The following DNAH10 variants were observed in gnomAD, a reference collection of about 807,000 sequenced individuals.
The protein encoded by DNAH10 is dynein axonemal heavy chain 10.
DNAH10 carries 348 observed loss-of-function variants against 506.6 expected under a neutral mutation model. That is an observed-to-expected ratio of 0.69 (90% CI 0.63 to 0.75). The LOEUF (loss-of-function observed/expected upper bound fraction) is 0.75. Among genes scored for constraint, DNAH10 ranks in the 30% least tolerant of loss-of-function variants. The pLI is 0.00. For missense variants in DNAH10, 5,179 were observed against 5,787.1 expected (o/e 0.89, Z 3.41); for synonymous variants, 2,059 against 2,198.6 (o/e 0.94, Z 1.78).
chr12:123,794,067 A>C lies in DNAH10; in HGVS notation c.1941A>C (p.Gln647His), dbSNP rs1958185935. Residue 647 changes from glutamine (Q) to histidine (H), a missense_variant, in exon 12 of 79, where the codon CAA (glutamine) becomes CAC (histidine). Transcript: ENST00000673944. Reference protein sequence around the residue: ...HIRSREAVNRQMMMKFNDILA... With the variant: ...HIRSREAVNRHMMMKFNDILA... ...GTTCACGGGAGGCTGTTAATCGACA[A>C]ATGATGATGAAATTTAATGATATTC... 2 of 1,283,046 alleles carry C rather than the reference A, an allele frequency of 1.6e-6. No individual in the cohort carries two copies. Among genetic ancestry groups the C allele is most frequent in the Non-Finnish European group, 1.0e-6 (1 of 985,330 alleles). The allele number at this position is 1,283,046 out of a possible 1,614,324, so 79.5% of individuals were successfully genotyped here. A position where few individuals can be genotyped will look rare whatever the true frequency, so the allele number is the denominator to read the frequency against.
chr12:123,891,583 G>A (rs560664733), intron 52 of DNAH10, among the ~76,000 whole-genome samples: 3 of 152,142 alleles, frequency 2.0e-5, no homozygotes, highest in South Asian at 2.1e-4. Context: ...CGGAGCACGG[G>A]GAGCGAGAGA....
chr12:123,881,841 G>A (rs1393742935), intron 51 of DNAH10, 28 bp downstream of exon 51: 5 of 1,444,600 alleles, frequency 3.5e-6, no homozygotes, highest in Non-Finnish European at 4.6e-6. Flanking sequence ...CCCAGAAATA[G>A]GTTTACGATG....
intron 52 of DNAH10, among the ~76,000 whole-genome samples, chr12:123,890,096 C>T (rs1594298345): frequency 1.3e-5 from 2 of 152,150 alleles, no homozygotes; most frequent in African/African-American, 2.4e-5. Flanking sequence ...ACCCATTGGC[C>T]GGTTCCTGGG....
At chr12:123,797,263 T>C (rs953829359) in intron 13 of DNAH10, among the ~76,000 whole-genome samples, 1 of 152,240 alleles carries the variant, frequency 6.6e-6, no homozygotes, top group Admixed American at 6.5e-5. Flanking sequence ...TGCAGCACGC[T>C]ATGTAGAGTG....
In DNAH10 at chr12:123,868,120, G is replaced by T; in HGVS notation, c.7519+1G>T. Reference sequence around the variant, plus strand: ...TGGGCCAACCCTGGGGAACTGCCAGGTGGGAACCGAGTGTCGCCTGTTTCC... The same window carrying T: ...TGGGCCAACCCTGGGGAACTGCCAGTTGGGAACCGAGTGTCGCCTGTTTCC... On this transcript the variant is annotated splice_donor_variant, in intron 43 of 78. Coordinates refer to ENST00000673944, the MANE Select transcript of DNAH10 (RefSeq NM_001372106.1). LOFTEE classifies it high-confidence loss of function. 6.2e-7 allele frequency: 1 copy of T among 1,612,128 alleles called. No individual in the cohort carries two copies. Among genetic ancestry groups the T allele is most frequent in the Non-Finnish European group, 8.5e-7 (1 of 1,179,572 alleles).
rs1045838396 is a variant in DNAH10, at chr12:123,903,528, C to T, written c.9815+415C>T. On this transcript the variant is annotated intron_variant, in intron 57 of 78. Coordinates refer to ENST00000673944, the MANE Select transcript of DNAH10 (RefSeq NM_001372106.1). The surrounding 1 kb of genome is among the most constrained non-coding windows in gnomAD (Gnocchi z 4.6). Reference sequence around the variant, plus strand: ...GCACACCACGGCCGGACTGGCGATGCCTGAATCCATTTCCAGCCAAGGAAG... The same window carrying T: ...GCACACCACGGCCGGACTGGCGATGTCTGAATCCATTTCCAGCCAAGGAAG... Among the ~76,000 whole-genome samples the T allele has an allele frequency of 2.0e-5, 3 of 152,194 alleles. No homozygotes were observed. The highest frequency in any genetic ancestry group is 6.5e-5 in the Admixed American group (1 of 15,278).
intron 39 of DNAH10, among the ~76,000 whole-genome samples, chr12:123,864,149 T>TTC (rs1951712227): frequency 1.4e-5 from 2 of 147,870 alleles, no homozygotes; most frequent in South Asian, 2.2e-4. Context: ...TTTTCTTTTT[T>TTC]TTTTTTTTTT....
chr12:123,889,979 C>G (rs979502945), intron 52 of DNAH10, among the ~76,000 whole-genome samples: 4 of 152,178 alleles, frequency 2.6e-5, no homozygotes, highest in African/African-American at 9.7e-5. Context: ...TGTGGGGACC[C>G]CTGTGATCGT....
At chr12:123,833,738 C>G (rs550020173) in intron 27 of DNAH10, among the ~76,000 whole-genome samples, 17 of 152,242 alleles carry the variant, frequency 1.1e-4, no homozygotes, top group East Asian at 5.8e-4. Context: ...TGTTGACTCT[C>G]TCTTGTGGTG....
At chr12:123,837,733 C>A (rs544146144) in intron 28 of DNAH10, among the ~76,000 whole-genome samples, 1 of 149,704 alleles carries the variant, frequency 6.7e-6, no homozygotes, top group Non-Finnish European at 1.5e-5. Context: ...CACCACCACA[C>A]CCGGCTAACT....
chr12:123,765,299 T>C (rs1002599139), intron 1 of DNAH10, among the ~76,000 whole-genome samples: 3 of 152,160 alleles, frequency 2.0e-5, no homozygotes, highest in Admixed American at 1.3e-4. Flanking sequence ...AGTAACTTCC[T>C]TACATTTAAA....
At chr12:123,831,141 T>A (rs988315811) in intron 26 of DNAH10, among the ~76,000 whole-genome samples, 1 of 151,694 alleles carries the variant, frequency 6.6e-6, no homozygotes, top group Non-Finnish European at 1.5e-5. Flanking sequence ...CATTGATTTT[T>A]AAATAGATGT....
intron 37 of DNAH10, among the ~76,000 whole-genome samples, chr12:123,858,423 G>A (rs1378444643): frequency 6.6e-6 from 1 of 152,146 alleles, no homozygotes; most frequent in Non-Finnish European, 1.5e-5. Context: ...AGAGCTTTCT[G>A]TGCTTTTCCT....
intron 30 of DNAH10, among the ~76,000 whole-genome samples, chr12:123,842,220 A>G (rs1458759730): frequency 3.9e-5 from 6 of 152,134 alleles, no homozygotes; most frequent in Non-Finnish European, 8.8e-5. Context: ...TAGCGTGTGA[A>G]CCCCTGACTT....
At position 123,907,096 on chromosome 12, in the gene DNAH10, G is replaced by A. The variant is rs917984463; in HGVS notation, c.9816-2165G>A. ...GCAGGCAGGGTCTTCACTGCGTGGCGCTGACACTCTGTTTTCCTATAGGAA... is the reference window on the plus strand; with the variant it reads ...GCAGGCAGGGTCTTCACTGCGTGGCACTGACACTCTGTTTTCCTATAGGAA... On this transcript the variant is annotated intron_variant, in intron 57 of 78. Coordinates refer to ENST00000673944, the MANE Select transcript of DNAH10 (RefSeq NM_001372106.1). The surrounding 1 kb of genome is among the most constrained non-coding windows in gnomAD (Gnocchi z 4.4). Among the ~76,000 whole-genome samples, 2 of 152,240 alleles carry A rather than the reference G, an allele frequency of 1.3e-5. No individual in the cohort carries two copies. Among genetic ancestry groups the A allele is most frequent in the Admixed American group, 6.5e-5 (1 of 15,294 alleles).
chr12:123,932,135 C>G, intron 76 of DNAH10, 27 bp downstream of exon 76: 1 of 1,612,084 alleles, frequency 6.2e-7, no homozygotes, highest in Non-Finnish European at 8.5e-7. Context: ...CGCCTCCTCT[C>G]TGCCGATTCA....
At chr12:123,804,794 G>C in intron 17 of DNAH10, 39 bp from the exon 18 acceptor site, 1 of 1,580,986 alleles carries the variant, frequency 6.3e-7, no homozygotes, top group Non-Finnish European at 8.7e-7. Context: ...GTCCTTCCCT[G>C]TGTTCGTGGA....
At chr12:123,816,993 C>G (rs1390261371) in intron 21 of DNAH10, among the ~76,000 whole-genome samples, 1 of 151,792 alleles carries the variant, frequency 6.6e-6, no homozygotes, top group Non-Finnish European at 1.5e-5. Context: ...TTTTTTATCC[C>G]TTCTATGTGT....
At chr12:123,770,549 G>A (rs1472377458) in intron 2 of DNAH10, among the ~76,000 whole-genome samples, 1 of 144,366 alleles carries the variant, frequency 6.9e-6, no homozygotes, top group Non-Finnish European at 1.5e-5. Flanking sequence ...TGTTGGTACT[G>A]CTGTCTATAG....
Sources: gnomAD v4.1 joint callset for allele counts (sites outside exome capture counted in the v4.1 genomes callset) on GRCh38, gnomAD v4.1.1 for gene constraint, Gnocchi (gnomAD v3.1) non-coding constraint, MANE v1.5 for transcripts, NCBI Gene and HGNC (gene_info 2026-07-23, HGNC 2026-07-21) for gene names.